BCKDHB: variants seen among roughly 807,000 people sequenced by gnomAD.
BCKDHB encodes the protein branched chain keto acid dehydrogenase E1 subunit beta, also known as 2-oxoisovalerate dehydrogenase subunit beta, mitochondrial.
BCKDHB carries 41 observed loss-of-function variants against 48.5 expected under a neutral mutation model. The ratio of observed to expected loss-of-function variants is 0.85; its 90% CI spans 0.66 to 1.10. BCKDHB has a LOEUF of 1.10. Ranked by LOEUF, BCKDHB falls within the 50% of genes least tolerant of loss-of-function variation. The pLI is 0.00. For missense variants in BCKDHB, 496 were observed against 494.2 expected, an observed-to-expected ratio of 1.00 and a Z score of -0.03; for synonymous variants, 201 against 174.8, an observed-to-expected ratio of 1.15 and a Z score of -1.18.
chr6:80,134,015 C>T lies in BCKDHB; in HGVS notation c.343+4786C>T, dbSNP rs1325759166. Among the ~76,000 whole-genome samples the T allele has an allele frequency of 2.0e-5, 3 of 152,054 alleles. No homozygotes were observed. The East Asian group carries it at 5.8e-4, about 29-fold the overall frequency. ...CATATAAAAAATCCATTCGTATTGT[C>T]ATTCTCTGAGAGAGAGAGAAAGAGA... On this transcript the variant is annotated intron_variant, in intron 3 of 9. Transcript: ENST00000320393.
At chr6:80,342,179 A>G (rs11961412) in intron 9 of BCKDHB, among the ~76,000 whole-genome samples, 12,196 of 152,180 alleles carry the variant, frequency 0.08, 657 homozygotes, top group South Asian at 0.25. Context: ...CACAGGGGGT[A>G]GGGATAAAGC....
At chr6:80,342,813 T>C (rs965726026) in intron 9 of BCKDHB, among the ~76,000 whole-genome samples, 7 of 152,122 alleles carry the variant, frequency 4.6e-5, no homozygotes, top group Non-Finnish European at 7.3e-5. Flanking sequence ...TTTGAATATT[T>C]TACTTGAGTA....
At chr6:80,189,961 C>G (rs1287454938) in intron 6 of BCKDHB, among the ~76,000 whole-genome samples, 1 of 151,934 alleles carries the variant, frequency 6.6e-6, no homozygotes, top group Non-Finnish European at 1.5e-5. Context: ...TAGTTTCTGG[C>G]TATGTAAATA....
chr6:80,176,977 C>T (rs1236174343), intron 6 of BCKDHB, among the ~76,000 whole-genome samples: 1 of 152,038 alleles, frequency 6.6e-6, no homozygotes, highest in Non-Finnish European at 1.5e-5. Context: ...GTGATCCTAG[C>T]ACTTTGGGAG....
chr6:80,126,440 A>G (rs1770344035), intron 1 of BCKDHB, among the ~76,000 whole-genome samples: 1 of 152,186 alleles, frequency 6.6e-6, no homozygotes, highest in Non-Finnish European at 1.5e-5. Context: ...CAACAGCAGT[A>G]GCTGTTGTGA....
chr6:80,361,626 C>G, the BCKDHB span, among the ~76,000 whole-genome samples: 1 of 152,186 alleles, frequency 6.6e-6, no homozygotes, highest in African/African-American at 2.4e-5. Flanking sequence ...CAAATAGGAG[C>G]ATCACCCCCT....
chr6:80,342,051 A>C (rs187830188), intron 9 of BCKDHB, among the ~76,000 whole-genome samples: 75 of 152,320 alleles, frequency 4.9e-4, no homozygotes, highest in African/African-American at 1.8e-3. Flanking sequence ...ATTGTAAATC[A>C]TGATAGTTAT....
At chr6:80,262,926 G>A (rs931056148) in intron 8 of BCKDHB, among the ~76,000 whole-genome samples, 3 of 152,126 alleles carry the variant, frequency 2.0e-5, no homozygotes, top group African/African-American at 7.2e-5. Context: ...GTCAATGAAA[G>A]CATTGCAGAA....
Position 80,227,113 on chromosome 6 carries a change from G to C in BCKDHB, c.951+23901G>C, listed in dbSNP as rs1775712834. Among the ~76,000 whole-genome samples, 3 of 152,072 alleles carry C rather than the reference G, an allele frequency of 2.0e-5. No homozygotes were observed. In the South Asian group the frequency reaches 6.2e-4, roughly 32 times the overall value. On this transcript the variant is annotated intron_variant, in intron 8 of 9. Coordinates refer to ENST00000320393, the MANE Select transcript of BCKDHB (RefSeq NM_183050.4). The stretch of plus-strand genomic sequence containing the variant: ...GTTAATATAGATAGGATTACTTCTT[G>C]GATTACTACAGTAAATTAAACAAAA...
At chr6:80,353,676 A>G in the BCKDHB span, among the ~76,000 whole-genome samples, 1 of 152,060 alleles carries the variant, frequency 6.6e-6, no homozygotes, top group East Asian at 1.9e-4. Flanking sequence ...AACATGGTGA[A>G]ACCCCATCTC....
chr6:80,238,478 A>G (rs1292940555), intron 8 of BCKDHB, among the ~76,000 whole-genome samples: 1 of 152,240 alleles, frequency 6.6e-6, no homozygotes, highest in African/African-American at 2.4e-5. Context: ...AGTTGAGCAA[A>G]TAACAACTCG....
At chr6:80,386,375 T>C in the BCKDHB span, among the ~76,000 whole-genome samples, 1 of 152,262 alleles carries the variant, frequency 6.6e-6, no homozygotes, top group East Asian at 1.9e-4. Context: ...TGGAATACTC[T>C]ACAGGTATAA....
intron 3 of BCKDHB, among the ~76,000 whole-genome samples, chr6:80,135,302 A>T (rs1562075871): frequency 6.6e-6 from 1 of 152,050 alleles, no homozygotes; most frequent in African/African-American, 2.4e-5. Context: ...TTTATGGAAG[A>T]AAAAAACAGG....
Position 80,144,712 on chromosome 6 carries a change from AGTAGAAG to A in BCKDHB, c.343+15488_343+15494del, listed in dbSNP as rs1213264571. On this transcript the variant is annotated intron_variant, in intron 3 of 9. Coordinates refer to ENST00000320393, the MANE Select transcript of BCKDHB (RefSeq NM_183050.4). ...ACCCTCTTTCTTTCTTAAAGCATGA[AGTAGAAG>A]GTAGTTCATGGCTCAGCTTAAACTC... Among the ~76,000 whole-genome samples, 6 of 152,254 alleles carry A rather than the reference AGTAGAAG, an allele frequency of 3.9e-5. No individual in the cohort carries two copies. In the Middle Eastern group the frequency reaches 0.014, roughly 345 times the overall value.
At chr6:80,167,899 T>C in intron 4 of BCKDHB, 88 bp downstream of exon 4, 1 of 1,305,220 alleles carries the variant, frequency 7.7e-7, no homozygotes, top group East Asian at 2.5e-5. Context: ...ACCTGCATTC[T>C]AAACATTTTA....
chr6:80,264,179 C>T (rs1777417877), intron 8 of BCKDHB, among the ~76,000 whole-genome samples: 1 of 152,104 alleles, frequency 6.6e-6, no homozygotes, highest in Admixed American at 6.6e-5. Context: ...ATGCTTTGCC[C>T]TAGGGCATTG....
chr6:80,176,433 CAT>C (rs1459547869), intron 6 of BCKDHB, among the ~76,000 whole-genome samples: 1 of 152,078 alleles, frequency 6.6e-6, no homozygotes, highest in Non-Finnish European at 1.5e-5. Flanking sequence ...GTCCTGGACA[CAT>C]TTAACTTTTC....
At chr6:80,381,141 T>G in the BCKDHB span, among the ~76,000 whole-genome samples, 1 of 151,994 alleles carries the variant, frequency 6.6e-6, no homozygotes, top group Non-Finnish European at 1.5e-5. Flanking sequence ...TTTACCTTAT[T>G]TGTATGGCCT....
chr6:80,255,276 T>C (rs1252806212), intron 8 of BCKDHB, among the ~76,000 whole-genome samples: 1 of 152,210 alleles, frequency 6.6e-6, no homozygotes, highest in Non-Finnish European at 1.5e-5. Flanking sequence ...AGGACTGTAA[T>C]ATACAGATTG....
Sources: allele counts gnomAD v4.1 joint callset (sites outside exome capture counted in the v4.1 genomes callset), GRCh38; gene constraint gnomAD v4.1.1; transcripts MANE v1.5; gene names NCBI Gene and HGNC (gene_info 2026-07-23, HGNC 2026-07-21).